GRM8: variants seen among roughly 807,000 people sequenced by gnomAD.
GRM8 encodes the protein metabotropic glutamate receptor 8.
In GRM8, 47 loss-of-function variants were observed where a neutral mutation model predicts 87.2. The observed-to-expected ratio is 0.54, with a 90% CI of 0.43 to 0.69. The LOEUF is 0.69. Among genes scored for constraint, GRM8 ranks in the 30% least tolerant of loss-of-function variants. The pLI, the probability that GRM8 is intolerant of heterozygous loss-of-function variation, is 0.00. For synonymous variants in GRM8, 396 were observed against 404.5 expected, an observed-to-expected ratio of 0.98 and a Z score of 0.25; for missense variants, 1,019 against 1,139.2, an observed-to-expected ratio of 0.89 and a Z score of 1.52.
Position 127,120,366 on chromosome 7 carries a change from T to C in GRM8, c.511-13654A>G, listed in dbSNP as rs1002037528. On this transcript the variant is annotated intron_variant, in intron 2 of 10. Transcript: ENST00000339582. Reference sequence around the variant, plus strand: ...AAAGATATGTTCATGTTGCAAAAGATAAATTCAACAGTATTGACTACAGTA... The same window carrying C: ...AAAGATATGTTCATGTTGCAAAAGACAAATTCAACAGTATTGACTACAGTA... Among the ~76,000 whole-genome samples the C allele has an allele frequency of 3.5e-4, 53 of 152,240 alleles. 1 individual carries two copies. The highest frequency in any genetic ancestry group is 1.3e-3 in the African/African-American group (52 of 41,466).
At chr7:127,079,582 CA>C (rs978655762) in intron 3 of GRM8, among the ~76,000 whole-genome samples, 5 of 152,306 alleles carry the variant, frequency 3.3e-5, no homozygotes, top group Non-Finnish European at 5.9e-5. Context: ...TCTTCCCTGC[CA>C]AAGTTCATGC....
At chr7:126,482,580 G>A (rs535770242) in intron 9 of GRM8, among the ~76,000 whole-genome samples, 15 of 151,940 alleles carry the variant, frequency 9.9e-5, no homozygotes, top group Non-Finnish European at 2.2e-4. Context: ...CTTATATAAG[G>A]TACCTAGAGT....
At chr7:127,096,314 C>G (rs1267811479) in intron 3 of GRM8, among the ~76,000 whole-genome samples, 1 of 152,142 alleles carries the variant, frequency 6.6e-6, no homozygotes, top group African/African-American at 2.4e-5. Context: ...AATGCCAGCA[C>G]TTTGGGAGGC....
intron 3 of GRM8, among the ~76,000 whole-genome samples, chr7:127,029,811 G>A (rs1445524672): frequency 1.3e-5 from 2 of 151,804 alleles, no homozygotes; most frequent in African/African-American, 4.8e-5. Context: ...GAGAGATGGG[G>A]AGCCTCCTTG....
At chr7:127,015,176 GAGAAGAAGAAGAAGAAGAAGA>G (rs778849282) in intron 3 of GRM8, among the ~76,000 whole-genome samples, 1,033 of 86,588 alleles carry the variant, frequency 0.012, 16 homozygotes, top group East Asian at 0.022. Context: ...GAAGGAGAAG[GAGAAGAAGAAGAAGAAGAAGA>G]AGAAGAAGAA....
chr7:127,211,245 T>G (rs544094254), intron 2 of GRM8, among the ~76,000 whole-genome samples: 35 of 152,290 alleles, frequency 2.3e-4, no homozygotes, highest in Admixed American at 6.5e-4. Context: ...CTTCAGTATG[T>G]GGTCAAAAGC....
chr7:127,042,723 A>G (rs901717233), intron 3 of GRM8, among the ~76,000 whole-genome samples: 27 of 152,214 alleles, frequency 1.8e-4, no homozygotes, highest in African/African-American at 6.5e-4. Context: ...CATGTCTAAA[A>G]CACCAAAAGC....
intron 7 of GRM8, among the ~76,000 whole-genome samples, chr7:126,655,457 T>C (rs1402022104): frequency 6.6e-6 from 1 of 150,720 alleles, no homozygotes; most frequent in African/African-American, 2.4e-5. Flanking sequence ...TGGGAGGTGA[T>C]TGCATTATGG....
intron 6 of GRM8, chr7:126,870,177 C>T (rs929747305): frequency 6.6e-6 from 1 of 152,168 alleles, no homozygotes; most frequent in Non-Finnish European, 1.5e-5. Context: ...TTCCTCACCT[C>T]GATCAGCCCT....
Position 127,132,090 on chromosome 7 carries a change from A to G in GRM8, c.511-25378T>C, listed in dbSNP as rs867122863. Among the ~76,000 whole-genome samples, 12 of 152,338 alleles carry G rather than the reference A, an allele frequency of 7.9e-5. 1 individual carries two copies. The Middle Eastern group carries it at 0.01, about 130-fold the overall frequency. On this transcript the variant is annotated intron_variant, in intron 2 of 10. Transcript: ENST00000339582. ...CACCACAGACCAGTCTTCATTATCT[A>G]TGGCAAGCTACAATCAGCCTTCTCT... is the stretch of plus-strand genomic sequence containing the variant.
chr7:126,772,966 T>C (rs1329373753), intron 6 of GRM8, among the ~76,000 whole-genome samples: 2 of 152,152 alleles, frequency 1.3e-5, no homozygotes, highest in African/African-American at 4.8e-5. Flanking sequence ...CTAACATCAA[T>C]GCAATGATGG....
chr7:127,179,528 C>A (rs907278212), intron 2 of GRM8, among the ~76,000 whole-genome samples: 10 of 152,090 alleles, frequency 6.6e-5, no homozygotes, highest in African/African-American at 2.4e-4. Context: ...ACGTTTCATC[C>A]AACAACCGCA....
intron 7 of GRM8, among the ~76,000 whole-genome samples, chr7:126,740,549 G>A (rs117437313): frequency 0.018 from 2,804 of 152,170 alleles, 48 homozygotes; most frequent in Middle Eastern, 0.034. Context: ...GCTGATAACT[G>A]AAACAAAAGG....
At chr7:127,208,455 C>G (rs1796036044) in intron 2 of GRM8, among the ~76,000 whole-genome samples, 1 of 152,146 alleles carries the variant, frequency 6.6e-6, no homozygotes. Context: ...AGGCTATAAC[C>G]CTTTATAAGA....
chr7:127,240,263 C>A (rs573394962), intron 2 of GRM8, among the ~76,000 whole-genome samples: 3 of 150,134 alleles, frequency 2.0e-5, no homozygotes, highest in African/African-American at 7.6e-5. Context: ...AACAAAACAC[C>A]CTCTTGCCTT....
At chr7:126,821,998 A>C (rs773967529) in intron 6 of GRM8, among the ~76,000 whole-genome samples, 3 of 152,102 alleles carry the variant, frequency 2.0e-5, no homozygotes, top group African/African-American at 4.8e-5. Context: ...ACTCTTCTTC[A>C]TTGGGGGTTT....
At chr7:126,841,371 A>T (rs1796255528) in intron 6 of GRM8, among the ~76,000 whole-genome samples, 1 of 152,182 alleles carries the variant, frequency 6.6e-6, no homozygotes, top group Non-Finnish European at 1.5e-5. Context: ...GAATGGGCTC[A>T]GCAGGACAAT....
At chr7:127,087,668 G>C (rs145106773) in intron 3 of GRM8, among the ~76,000 whole-genome samples, 4 of 152,260 alleles carry the variant, frequency 2.6e-5, no homozygotes, top group African/African-American at 7.2e-5. Flanking sequence ...ATAAGCTCTA[G>C]ATATCTGCTG....
chr7:126,562,500 GA>G (rs1244264727), intron 8 of GRM8, among the ~76,000 whole-genome samples: 2 of 152,152 alleles, frequency 1.3e-5, no homozygotes, highest in Non-Finnish European at 2.9e-5. Flanking sequence ...TATTGTTGAA[GA>G]AATGCTCAGT....
Sources: gnomAD v4.1 joint callset for allele counts (sites outside exome capture counted in the v4.1 genomes callset) on GRCh38, gnomAD v4.1.1 for gene constraint, MANE v1.5 for transcripts, NCBI Gene and HGNC (gene_info 2026-07-23, HGNC 2026-07-21) for gene names.